ANKRD62: variants seen among roughly 807,000 people sequenced by gnomAD.
ANKRD62 encodes ankyrin repeat domain-containing protein 62.
In ANKRD62, 61 loss-of-function variants were observed where a neutral mutation model predicts 98.8. That is an observed-to-expected ratio of 0.62 (90% CI 0.50 to 0.76). The LOEUF (loss-of-function observed/expected upper bound fraction) is 0.76, where lower values mean the gene tolerates loss of function less well. ANKRD62 is among the 30% of genes least tolerant of loss of function. The pLI is 0.00. For missense variants in ANKRD62, 933 were observed against 1,082.9 expected (o/e 0.86, Z 1.94); for synonymous variants, 341 against 367.9 (o/e 0.93, Z 0.84).
rs1184869771 is a variant in ANKRD62 at position 12,122,291 on chromosome 18, T to C, written c.1241-12T>C. 20 of 1,524,452 alleles carry C rather than the reference T, an allele frequency of 1.3e-5. No individual in the cohort carries two copies. The highest frequency in any genetic ancestry group is 8.2e-5 in the Admixed American group (4 of 49,070). The allele number at this position is 1,524,452 out of a possible 1,614,324, so 94.4% of individuals were successfully genotyped here. A position where few individuals can be genotyped will look rare whatever the true frequency, so the allele number is the denominator to read the frequency against. On this transcript the variant is annotated splice_polypyrimidine_tract_variant and intron_variant, in intron 10 of 13. Transcript: ENST00000587848. ...TGTATTTTATCTCTATTTTGTCTTCTCCTGGTAACAGATTTTGTTAGCCTA... is the reference window on the plus strand; with the variant it reads ...TGTATTTTATCTCTATTTTGTCTTCCCCTGGTAACAGATTTTGTTAGCCTA...
chr18:12,138,809 G>T, the ANKRD62 span, among the ~76,000 whole-genome samples: 1 of 152,118 alleles, frequency 6.6e-6, no homozygotes, highest in African/African-American at 2.4e-5. Flanking sequence ...GGCCATCTTT[G>T]TCTTTTTTGA....
At chr18:12,118,370 AGGCCAAGATGGGTGGATCACCTGAGG>A (rs1909711341) in intron 10 of ANKRD62, among the ~76,000 whole-genome samples, 10 of 152,016 alleles carry the variant, frequency 6.6e-5, no homozygotes, top group African/African-American at 1.9e-4. Context: ...CACTTTTGGG[AGGCCAAGATGGGTGGATCACCTGAGG>A]TCAGGAGTTC....
rs1236412556 is a variant in ANKRD62, at chr18:12,115,484, A to T, written c.1190A>T (p.Asp397Val). Residue 397 changes from aspartate (D) to valine (V), a missense_variant, in exon 10 of 14, where the codon GAT becomes GTT. Coordinates refer to ENST00000587848, the MANE Select transcript of ANKRD62 (RefSeq NM_001277333.2). ...TSEDDELPYS[D>V]DENFMLLIEQ... The stretch of plus-strand genomic sequence containing the variant: ...GAGGATGATGAGTTGCCTTACTCTG[A>T]TGATGAGAATTTTATGTTACTCATT... The T allele has an allele frequency of 6.5e-7, 1 of 1,537,576 alleles. No individual in the cohort carries two copies. The highest frequency in any genetic ancestry group is 8.7e-7 in the Non-Finnish European group (1 of 1,146,578).
intron 10 of ANKRD62, 83 bp from the exon 11 acceptor site, chr18:12,122,220 G>A: frequency 2.0e-6 from 2 of 979,610 alleles, no homozygotes; most frequent in East Asian, 2.6e-5. Flanking sequence ...GTATGAATGA[G>A]TGCCATGTTG....
rs533637392 is a variant in ANKRD62 at position 12,119,178 on chromosome 18, T to C, written c.1241-3125T>C. On this transcript the variant is annotated intron_variant, in intron 10 of 13. Transcript: ENST00000587848. The stretch of plus-strand genomic sequence containing the variant: ...TTGTCATGTTTACACATAAAAATTA[T>C]AATGTCACCTTGGTTTTTTTTTGTA... Among the ~76,000 whole-genome samples the C allele has an allele frequency of 9.8e-5, 15 of 152,332 alleles. No homozygotes were observed. The South Asian group carries it at 2.1e-3, about 21-fold the overall frequency.
the ANKRD62 span, among the ~76,000 whole-genome samples, chr18:12,177,636 C>T: frequency 1.1e-4 from 17 of 151,890 alleles, 1 homozygote; most frequent in Admixed American, 9.2e-4. Flanking sequence ...GCCATAGGCT[C>T]TTAGACTTTG....
chr18:12,131,794 G>A (rs114227479), downstream of ANKRD62, among the ~76,000 whole-genome samples: 15 of 152,082 alleles, frequency 9.9e-5, no homozygotes, highest in African/African-American at 3.1e-4. Flanking sequence ...TCTGGACTCT[G>A]TTCTGTTCTA....
the ANKRD62 span, among the ~76,000 whole-genome samples, chr18:12,163,043 A>G: frequency 6.6e-6 from 1 of 151,800 alleles, no homozygotes; most frequent in South Asian, 2.1e-4. Flanking sequence ...TTTTTCTTTT[A>G]CTGTGAAGAA....
intron 5 of ANKRD62, chr18:12,098,649 AT>A (rs1481426013): frequency 1.3e-5 from 2 of 152,204 alleles, no homozygotes; most frequent in Non-Finnish European, 2.9e-5. Context: ...TTACAAAAAC[AT>A]TGGAGTAAGG....
chr18:12,157,372 G>C, the ANKRD62 span, among the ~76,000 whole-genome samples: 1 of 152,030 alleles, frequency 6.6e-6, no homozygotes, highest in Admixed American at 6.6e-5. Context: ...TGATGAACCA[G>C]GCCCTATCCT....
At chr18:12,118,846 GTT>G (rs71172052) in intron 10 of ANKRD62, among the ~76,000 whole-genome samples, 2 of 151,888 alleles carry the variant, frequency 1.3e-5, no homozygotes, top group Non-Finnish European at 2.9e-5. Flanking sequence ...TCATGAGGGA[GTT>G]TTTTTTATTG....
the ANKRD62 span, among the ~76,000 whole-genome samples, chr18:12,168,726 A>G: frequency 6.6e-6 from 1 of 152,220 alleles, no homozygotes; most frequent in Non-Finnish European, 1.5e-5. Flanking sequence ...TACCTTGGGC[A>G]GTATGGCCAT....
At chr18:12,120,918 T>G (rs955636288) in intron 10 of ANKRD62, among the ~76,000 whole-genome samples, 1 of 152,170 alleles carries the variant, frequency 6.6e-6, no homozygotes, top group Non-Finnish European at 1.5e-5. Context: ...TTTTATTTAT[T>G]TTTTTTGTCC....
intron 8 of ANKRD62, among the ~76,000 whole-genome samples, chr18:12,108,997 C>T (rs1242053039): frequency 6.6e-6 from 1 of 152,236 alleles, no homozygotes; most frequent in African/African-American, 2.4e-5. Context: ...GCTGCTTTCA[C>T]AGTCTGATGT....
chr18:12,140,194 C>G, the ANKRD62 span, among the ~76,000 whole-genome samples: 1 of 152,192 alleles, frequency 6.6e-6, no homozygotes, highest in Admixed American at 6.5e-5. Flanking sequence ...GTTTTCAGCT[C>G]CATCAGGTCC....
downstream of ANKRD62, among the ~76,000 whole-genome samples, chr18:12,130,533 G>C (rs1365533684): frequency 2.6e-5 from 4 of 152,072 alleles, no homozygotes; most frequent in Non-Finnish European, 5.9e-5. Flanking sequence ...ACCAAAAGTA[G>C]ATTTTTTCAG....
At chr18:12,121,869 G>C (rs1285130844) in intron 10 of ANKRD62, among the ~76,000 whole-genome samples, 2 of 152,198 alleles carry the variant, frequency 1.3e-5, no homozygotes, top group Non-Finnish European at 2.9e-5. Context: ...TTGGGTGGAA[G>C]CAGATTGCCG....
the ANKRD62 span, among the ~76,000 whole-genome samples, chr18:12,138,951 T>C: frequency 6.6e-6 from 1 of 152,174 alleles, no homozygotes; most frequent in Admixed American, 6.5e-5. Context: ...GCACGTGAGA[T>C]GGGTTTCCTG....
chr18:12,135,067 G>C, the ANKRD62 span, among the ~76,000 whole-genome samples: 788 of 149,574 alleles, frequency 5.3e-3, 28 homozygotes, highest in African/African-American at 0.018. Flanking sequence ...TATACTTTAA[G>C]TTTTAGGGTA....
Sources: gnomAD v4.1 joint callset for allele counts (sites outside exome capture counted in the v4.1 genomes callset) on GRCh38, gnomAD v4.1.1 for gene constraint, MANE v1.5 for transcripts, NCBI Gene and HGNC (gene_info 2026-07-23, HGNC 2026-07-21) for gene names.